The following PCDHA5 variants were observed in gnomAD, a reference collection of about 807,000 sequenced individuals.
The protein encoded by PCDHA5 is protocadherin alpha 5.
In PCDHA5, 43 loss-of-function variants were observed where a neutral mutation model predicts 61.6. The ratio of observed to expected loss-of-function variants is 0.70; its 90% CI spans 0.55 to 0.90. The LOEUF is 0.90. Among genes scored for constraint, PCDHA5 ranks in the 40% least tolerant of loss-of-function variants. PCDHA5 has a pLI of 0.00. For synonymous variants in PCDHA5, 627 were observed against 543.9 expected, an observed-to-expected ratio of 1.15 and a Z score of -2.13; for missense variants, 1,298 against 1,222.7, an observed-to-expected ratio of 1.06 and a Z score of -0.92.
At chr5:140,938,508 A>G (rs1563167946) in intron 1 of PCDHA5, among the ~76,000 whole-genome samples, 1 of 152,046 alleles carries the variant, frequency 6.6e-6, no homozygotes, top group African/African-American at 2.4e-5. Context: ...AATTTATCAC[A>G]TATTTTCTGT....
At chr5:140,887,544 CATGG>C (rs2061491541) in intron 1 of PCDHA5, among the ~76,000 whole-genome samples, 2 of 152,098 alleles carry the variant, frequency 1.3e-5, no homozygotes, top group Non-Finnish European at 2.9e-5. Context: ...CCCCACCCCT[CATGG>C]TTACTGTTAA....
chr5:140,897,881 C>G (rs1417702752), intron 1 of PCDHA5, among the ~76,000 whole-genome samples: 1 of 152,312 alleles, frequency 6.6e-6, no homozygotes, highest in Admixed American at 6.5e-5. Context: ...GATTGCCATT[C>G]TAACTGGTGT....
intron 1 of PCDHA5, chr5:140,843,832 T>C (rs1176599211): frequency 8.9e-7 from 1 of 1,120,192 alleles, no homozygotes; most frequent in Non-Finnish European, 1.3e-6. Flanking sequence ...AAACATTGTT[T>C]AGTTTTTAGA....
chr5:140,896,137 G>A (rs547993953), intron 1 of PCDHA5, among the ~76,000 whole-genome samples: 16 of 152,260 alleles, frequency 1.1e-4, no homozygotes, highest in African/African-American at 3.1e-4. Flanking sequence ...TTTATCCAGT[G>A]CACCATTGAT....
At chr5:140,830,267 C>G in intron 1 of PCDHA5, 1 of 1,613,636 alleles carries the variant, frequency 6.2e-7, no homozygotes, top group Non-Finnish European at 8.5e-7. Context: ...GTGCTCGGCG[C>G]CACCCACCGA....
intron 1 of PCDHA5, among the ~76,000 whole-genome samples, chr5:140,902,720 C>A (rs371638113): frequency 6.6e-6 from 1 of 152,050 alleles, no homozygotes; most frequent in African/African-American, 2.4e-5. Flanking sequence ...CCCCTCCCAC[C>A]CTTCCCTCCA....
chr5:140,942,944 T>C (rs368380576), intron 1 of PCDHA5, among the ~76,000 whole-genome samples: 1 of 151,862 alleles, frequency 6.6e-6, no homozygotes, highest in African/African-American at 2.4e-5. Context: ...GTTTAAAGTG[T>C]AGACGTTCTG....
chr5:140,910,546 A>G (rs2075078968), intron 1 of PCDHA5, among the ~76,000 whole-genome samples: 1 of 152,198 alleles, frequency 6.6e-6, no homozygotes, highest in Non-Finnish European at 1.5e-5. Context: ...CTATTTTGCA[A>G]AGTATTAGTC....
chr5:140,995,893 A>G (rs1038677586), intron 3 of PCDHA5, among the ~76,000 whole-genome samples: 3 of 152,182 alleles, frequency 2.0e-5, no homozygotes, highest in Non-Finnish European at 4.4e-5. Flanking sequence ...AGATTTATCA[A>G]TGTATAAAAG....
Position 140,980,736 on chromosome 5 carries a change from A to G in PCDHA5, c.2411+1729A>G, listed in dbSNP as rs1014210313. 6.6e-5 allele frequency among the ~76,000 whole-genome samples: 10 copies of G among 152,312 alleles called. No individual in the cohort carries two copies. The East Asian group carries it at 1.9e-3, about 29-fold the overall frequency. ...TTCGGGTTTCAATTAAGATATTATG[A>G]GATTTGAGTAGGGTAAGAAATAAAA... On this transcript the variant is annotated intron_variant, in intron 2 of 3. Transcript: ENST00000529859.
chr5:140,961,192 A>G (rs1322057564), intron 1 of PCDHA5, among the ~76,000 whole-genome samples: 1 of 152,170 alleles, frequency 6.6e-6, no homozygotes, highest in African/African-American at 2.4e-5. Flanking sequence ...ACAGGACCCT[A>G]GTGAGGTTGG....
intron 1 of PCDHA5, among the ~76,000 whole-genome samples, chr5:140,916,847 C>T (rs1276107761): frequency 1.3e-5 from 2 of 152,116 alleles, no homozygotes; most frequent in Non-Finnish European, 2.9e-5. Flanking sequence ...GAGCCCAGCC[C>T]AGCACTAGGA....
chr5:140,923,110 A>G (rs2081174881), intron 1 of PCDHA5, among the ~76,000 whole-genome samples: 1 of 152,184 alleles, frequency 6.6e-6, no homozygotes, highest in South Asian at 2.1e-4. Flanking sequence ...TATGATTTTA[A>G]GTTTTTAGGG....
chr5:140,980,981 A>G (rs1255751936), intron 2 of PCDHA5, among the ~76,000 whole-genome samples: 1 of 152,188 alleles, frequency 6.6e-6, no homozygotes, highest in Non-Finnish European at 1.5e-5. Context: ...GACTGAGCCC[A>G]CACAATTTGC....
chr5:140,848,352 TC>T, intron 1 of PCDHA5: 1 of 1,003,034 alleles, frequency 1.0e-6, no homozygotes, highest in Non-Finnish European at 1.5e-6. Context: ...ACAGCCCTTT[TC>T]CCATGGGAAA....
chr5:140,921,364 T>G (rs2080173595), intron 1 of PCDHA5, among the ~76,000 whole-genome samples: 1 of 152,196 alleles, frequency 6.6e-6, no homozygotes, highest in Non-Finnish European at 1.5e-5. Flanking sequence ...TATTCAAGTT[T>G]CATATTTCTA....
chr5:140,831,511 GC>G (rs1191627812), intron 1 of PCDHA5, among the ~76,000 whole-genome samples: 5 of 130,898 alleles, frequency 3.8e-5, no homozygotes, highest in East Asian at 2.2e-4. Flanking sequence ...GCACCACCAT[GC>G]CCCCCACCTT....
intron 1 of PCDHA5, among the ~76,000 whole-genome samples, chr5:140,899,853 G>T (rs2067594174): frequency 6.6e-6 from 1 of 152,118 alleles, no homozygotes; most frequent in South Asian, 2.1e-4. Context: ...TGTCACCCAG[G>T]CTGGAGTGCA....
Position 140,823,506 on chromosome 5 carries a change from C to T in PCDHA5, c.1731C>T (p.Ser577=), listed in dbSNP as rs145855942. The change falls in exon 1 of 4, where the codon AGC becomes AGT. Residue 577 remains serine (S), a synonymous_variant. Transcript: ENST00000529859. ...TGGGTGGCACCGGCGGCGCAGTGAG[C>T]GAGCTGGTGCCGAGGTCAGTGGGTG... ...PRVGGTGGAV[S]ELVPRSVGAG... is the part of the protein sequence containing the mutation. 1.5e-5 allele frequency: 24 copies of T among 1,613,158 alleles called. No individual in the cohort carries two copies. The highest frequency in any genetic ancestry group is 3.3e-4 in the Middle Eastern group (2 of 6,020).
Sources: gnomAD v4.1 joint callset for allele counts (sites outside exome capture counted in the v4.1 genomes callset) on GRCh38, gnomAD v4.1.1 for gene constraint, MANE v1.5 for transcripts, NCBI Gene and HGNC (gene_info 2026-07-23, HGNC 2026-07-21) for gene names.